Variants in FBXL7 observed in about 807,000 individuals in gnomAD.
The protein encoded by FBXL7 is F-box/LRR-repeat protein 7.
In FBXL7, 12 loss-of-function variants were observed where a neutral mutation model predicts 38.3. The ratio of observed to expected loss-of-function variants is 0.31; its 90% confidence interval spans 0.20 to 0.51. The LOEUF is 0.51. FBXL7 is among the 20% of genes least tolerant of loss of function. FBXL7 has a pLI of 0.98. For missense variants in FBXL7, 567 were observed against 676.4 expected, an observed-to-expected ratio of 0.84 and a Z score of 1.79; for synonymous variants, 297 against 300.9, an observed-to-expected ratio of 0.99 and a Z score of 0.13.
intron 2 of FBXL7, among the ~76,000 whole-genome samples, chr5:15,764,928 T>C (rs1365530305): frequency 2.6e-5 from 4 of 152,258 alleles, no homozygotes; most frequent in African/African-American, 9.6e-5. Flanking sequence ...GCAAATATTA[T>C]GTATCTCCTT....
chr5:15,861,879 G>T (rs546536954), intron 2 of FBXL7, among the ~76,000 whole-genome samples: 4 of 152,270 alleles, frequency 2.6e-5, no homozygotes, highest in African/African-American at 9.6e-5. Flanking sequence ...GACCTAGGTT[G>T]CAGTAATCTT....
chr5:15,619,658 T>C (rs1259090029), intron 2 of FBXL7, among the ~76,000 whole-genome samples: 1 of 152,224 alleles, frequency 6.6e-6, no homozygotes, highest in Non-Finnish European at 1.5e-5. Context: ...ACAGGCAAGA[T>C]TCTTAGTTTA....
chr5:15,556,017 C>CT (rs70938017), intron 1 of FBXL7, among the ~76,000 whole-genome samples: 3 of 136,420 alleles, frequency 2.2e-5, no homozygotes, highest in South Asian at 2.5e-4. Flanking sequence ...ATCTATCTAT[C>CT]ATCTATCAGT....
chr5:15,928,626 G>A lies in FBXL7; in HGVS notation c.739+125G>A. 2 of 1,278,430 alleles carry A rather than the reference G, an allele frequency of 1.6e-6. No individual in the cohort carries two copies. Among genetic ancestry groups the A allele is most frequent in the South Asian group, 2.9e-5 (2 of 68,642 alleles). The allele number at this position is 1,278,430 out of a possible 1,614,324, so 79.2% of individuals were successfully genotyped here. A position where few individuals can be genotyped will look rare whatever the true frequency, so the allele number is the denominator to read the frequency against. On this transcript the variant is annotated intron_variant, in intron 3 of 3. Transcript: ENST00000504595. This position sits in a 1 kb window ranked among gnomAD's most constrained non-coding sequence, Gnocchi z 4.0. ...ATCAGAGATGGGGGCGGGTGGTAGG[G>A]AGGCTGGCTTTTGCAGAGAAACTGT...
chr5:15,596,856 T>C (rs1333116385), intron 1 of FBXL7, among the ~76,000 whole-genome samples: 1 of 152,170 alleles, frequency 6.6e-6, no homozygotes, highest in Non-Finnish European at 1.5e-5. Context: ...GCATGGACGC[T>C]CCATGCCCCT....
intron 2 of FBXL7, among the ~76,000 whole-genome samples, chr5:15,644,920 A>G (rs1031005355): frequency 6.6e-6 from 1 of 152,106 alleles, no homozygotes; most frequent in African/African-American, 2.4e-5. Context: ...GAAGCCCACA[A>G]GCTCCCTGCA....
chr5:15,599,697 C>T (rs979608621), intron 1 of FBXL7, among the ~76,000 whole-genome samples: 4 of 152,158 alleles, frequency 2.6e-5, no homozygotes, highest in African/African-American at 9.7e-5. Context: ...AGGGCTCCCC[C>T]AGTTATTAAG....
chr5:15,759,347 T>C (rs1736382887), intron 2 of FBXL7, among the ~76,000 whole-genome samples: 1 of 152,210 alleles, frequency 6.6e-6, no homozygotes, highest in African/African-American at 2.4e-5. Flanking sequence ...TTCCTCACTT[T>C]TTTTTAATCA....
intron 1 of FBXL7, among the ~76,000 whole-genome samples, chr5:15,554,848 A>G (rs1199643358): frequency 6.6e-6 from 1 of 152,226 alleles, no homozygotes; most frequent in Non-Finnish European, 1.5e-5. Flanking sequence ...ATACAGAGGA[A>G]TATGAACAAA....
chr5:15,529,684 G>A (rs745466706), intron 1 of FBXL7, among the ~76,000 whole-genome samples: 7 of 152,064 alleles, frequency 4.6e-5, no homozygotes, highest in East Asian at 1.9e-4. Context: ...CACCGTGCCC[G>A]GCCAACCTAA....
intron 2 of FBXL7, among the ~76,000 whole-genome samples, chr5:15,866,411 T>A (rs1739711821): frequency 6.6e-6 from 1 of 152,238 alleles, no homozygotes; most frequent in Non-Finnish European, 1.5e-5. Context: ...AGGTTGTGAA[T>A]ACAGTAATAT....
intron 2 of FBXL7, among the ~76,000 whole-genome samples, chr5:15,650,332 GA>G (rs1490600460): frequency 1.3e-5 from 2 of 152,320 alleles, no homozygotes; most frequent in East Asian, 3.9e-4. Context: ...ACAATGTATA[GA>G]CCTTAATTTT....
intron 2 of FBXL7, among the ~76,000 whole-genome samples, chr5:15,749,244 CAAAAAA>C (rs70938027): frequency 1.6e-3 from 109 of 70,096 alleles, no homozygotes; most frequent in African/African-American, 4.9e-3. Context: ...GACTCTGTCT[CAAAAAA>C]AAAAAAAAAA....
chr5:15,632,561 A>C (rs1296027337), intron 2 of FBXL7, among the ~76,000 whole-genome samples: 2 of 152,196 alleles, frequency 1.3e-5, no homozygotes, highest in Non-Finnish European at 2.9e-5. Context: ...TCTACCGAAA[A>C]GACACTCATA....
chr5:15,627,556 C>T (rs150720372), intron 2 of FBXL7, among the ~76,000 whole-genome samples: 3 of 152,242 alleles, frequency 2.0e-5, no homozygotes, highest in South Asian at 2.1e-4. Flanking sequence ...TTACAGATTG[C>T]GTGGCCACAG....
At chr5:15,638,026 C>T (rs1741240506) in intron 2 of FBXL7, among the ~76,000 whole-genome samples, 1 of 152,178 alleles carries the variant, frequency 6.6e-6, no homozygotes, top group Non-Finnish European at 1.5e-5. Context: ...TAGTTTAACA[C>T]CTCCCCTAGG....
In FBXL7 at chr5:15,542,314, T is replaced by G. The variant is rs184053878; in HGVS notation, c.37+41601T>G. The stretch of plus-strand genomic sequence containing the variant: ...TTTGCTTTTCACATAATTCTACATG[T>G]GATACAGTGTGAGTATGCACATATC... On this transcript the variant is annotated intron_variant, in intron 1 of 3. Coordinates refer to ENST00000504595, the MANE Select transcript of FBXL7 (RefSeq NM_012304.5). Among the ~76,000 whole-genome samples, 446 of 152,334 alleles carry G rather than the reference T, an allele frequency of 2.9e-3. 3 individuals are homozygous for G. The highest frequency in any genetic ancestry group is 0.01 in the African/African-American group (430 of 41,572).
intron 2 of FBXL7, among the ~76,000 whole-genome samples, chr5:15,740,144 A>G (rs1735857464): frequency 6.6e-6 from 1 of 152,196 alleles, no homozygotes; most frequent in Admixed American, 6.5e-5. Flanking sequence ...AAGTATGGGA[A>G]GAATACCCCA....
At chr5:15,532,723 A>G (rs1737465374) in intron 1 of FBXL7, among the ~76,000 whole-genome samples, 2 of 152,236 alleles carry the variant, frequency 1.3e-5, no homozygotes, top group Admixed American at 1.3e-4. Context: ...TAGCCAGAGA[A>G]CAGAGAACTT....
Sources: gnomAD v4.1 joint callset for allele counts (sites outside exome capture counted in the v4.1 genomes callset) on GRCh38, gnomAD v4.1.1 for gene constraint, Gnocchi (gnomAD v3.1) non-coding constraint, MANE v1.5 for transcripts, NCBI Gene and HGNC (gene_info 2026-07-23, HGNC 2026-07-21) for gene names.